Variants in NEGR1 observed in about 807,000 individuals in gnomAD.
The protein encoded by NEGR1 is IgLON family member 4.
Under a neutral mutation model 40.9 loss-of-function variants are expected in NEGR1, and 10 were observed. That is an observed-to-expected ratio of 0.24 (90% confidence interval 0.15 to 0.42). NEGR1 has a LOEUF of 0.42. NEGR1 is among the 10% of genes least tolerant of loss of function. The pLI, the probability that NEGR1 is intolerant of heterozygous loss-of-function variation, is 1.00. For missense variants in NEGR1, 352 were observed against 438.9 expected (o/e 0.80, Z 1.77); for synonymous variants, 185 against 166.8 (o/e 1.11, Z -0.84).
chr1:72,088,031 G>A (rs1044407436), intron 1 of NEGR1, among the ~76,000 whole-genome samples: 1 of 152,118 alleles, frequency 6.6e-6, no homozygotes, highest in Non-Finnish European at 1.5e-5. Flanking sequence ...CACCTGGTGA[G>A]GTATAAATCT....
At chr1:71,990,541 A>C (rs555665027) in intron 1 of NEGR1, among the ~76,000 whole-genome samples, 1 of 152,244 alleles carries the variant, frequency 6.6e-6, no homozygotes, top group Non-Finnish European at 1.5e-5. Flanking sequence ...ATAGCTATGA[A>C]ATGCATGCCA....
intron 1 of NEGR1, among the ~76,000 whole-genome samples, chr1:72,083,847 C>T (rs890332067): frequency 5.3e-5 from 8 of 152,058 alleles, no homozygotes; most frequent in Non-Finnish European, 4.4e-5. Flanking sequence ...CAACGTTCTG[C>T]CCCAGAGTGG....
Position 72,216,818 on chromosome 1 carries a change from T to G in NEGR1, c.176+65501A>C, listed in dbSNP as rs530414290. ...CTAGAACATAATAAAAGTTAGTTATTATTATGATGATGATTATAGAATCTA... is the reference window on the plus strand; with the variant it reads ...CTAGAACATAATAAAAGTTAGTTATGATTATGATGATGATTATAGAATCTA... On this transcript the variant is annotated intron_variant, in intron 1 of 6. Transcript: ENST00000357731. 8.6e-5 allele frequency among the ~76,000 whole-genome samples: 13 copies of G among 151,694 alleles called. No homozygotes were observed. The East Asian group carries it at 2.5e-3, about 29-fold the overall frequency.
chr1:71,858,155 T>G (rs1659839343), intron 2 of NEGR1, among the ~76,000 whole-genome samples: 1 of 152,088 alleles, frequency 6.6e-6, no homozygotes, highest in Non-Finnish European at 1.5e-5. Context: ...CATTTTTGAC[T>G]AGTTCATCCT....
At chr1:71,939,687 AG>A (rs934538127) in intron 1 of NEGR1, among the ~76,000 whole-genome samples, 2 of 152,282 alleles carry the variant, frequency 1.3e-5, no homozygotes, top group African/African-American at 4.8e-5. Flanking sequence ...AGTCAGGGGC[AG>A]GGGTGGGCAG....
chr1:71,844,935 T>C (rs763244027), intron 2 of NEGR1, among the ~76,000 whole-genome samples: 1 of 152,174 alleles, frequency 6.6e-6, no homozygotes, highest in Admixed American at 6.5e-5. Context: ...AGAAAGTGCC[T>C]TCTATAGGAG....
At chr1:72,193,852 C>T (rs1287507726) in intron 1 of NEGR1, among the ~76,000 whole-genome samples, 1 of 151,524 alleles carries the variant, frequency 6.6e-6, no homozygotes, top group Non-Finnish European at 1.5e-5. Context: ...GCCTCCCATA[C>T]ACCATTTTAA....
At chr1:71,973,097 A>T (rs1324478337) in intron 1 of NEGR1, among the ~76,000 whole-genome samples, 1 of 152,120 alleles carries the variant, frequency 6.6e-6, no homozygotes, top group East Asian at 1.9e-4. Flanking sequence ...TAATATTTTA[A>T]TTATACTAAT....
At chr1:72,267,116 C>A (rs932524308) in intron 1 of NEGR1, among the ~76,000 whole-genome samples, 1 of 150,938 alleles carries the variant, frequency 6.6e-6, no homozygotes, top group Non-Finnish European at 1.5e-5. Flanking sequence ...CCAACGTTTA[C>A]CTTTTTTAAT....
chr1:71,510,936 CAT>C (rs1444997451), intron 6 of NEGR1, among the ~76,000 whole-genome samples: 2 of 152,160 alleles, frequency 1.3e-5, no homozygotes, highest in African/African-American at 4.8e-5. Flanking sequence ...TGAGTGTACT[CAT>C]AGTTTTCTCA....
chr1:72,219,277 C>A (rs935638460), intron 1 of NEGR1, among the ~76,000 whole-genome samples: 3 of 151,784 alleles, frequency 2.0e-5, no homozygotes, highest in Non-Finnish European at 4.4e-5. Flanking sequence ...TTGTTGCCAT[C>A]AATAATAAAC....
chr1:71,492,116 G>A (rs368610971), intron 6 of NEGR1, among the ~76,000 whole-genome samples: 113 of 152,172 alleles, frequency 7.4e-4, no homozygotes, highest in African/African-American at 2.5e-3. Flanking sequence ...ATCTTGGAGA[G>A]CTATGAGAAA....
intron 1 of NEGR1, among the ~76,000 whole-genome samples, chr1:72,238,314 T>C (rs1320374292): frequency 6.6e-6 from 1 of 151,906 alleles, no homozygotes; most frequent in African/African-American, 2.4e-5. Context: ...TAAAATATGA[T>C]TGAATAATGG....
intron 1 of NEGR1, among the ~76,000 whole-genome samples, chr1:72,094,162 G>A (rs1196539766): frequency 6.6e-6 from 1 of 151,948 alleles, no homozygotes; most frequent in East Asian, 1.9e-4. Context: ...CAAGTGTAGG[G>A]GAAACCAACT....
At chr1:72,266,890 G>A (rs1477852795) in intron 1 of NEGR1, among the ~76,000 whole-genome samples, 1 of 150,446 alleles carries the variant, frequency 6.6e-6, no homozygotes, top group Non-Finnish European at 1.5e-5. Context: ...CACAAGACAG[G>A]GCAATAGCAA....
intron 4 of NEGR1, among the ~76,000 whole-genome samples, chr1:71,656,108 G>A (rs1651863821): frequency 2.0e-5 from 3 of 152,162 alleles, no homozygotes; most frequent in Admixed American, 2.0e-4. Flanking sequence ...CCAGAAATGA[G>A]TTCTTACTTG....
chr1:71,945,477 AGCAAAACTT>A (rs1223916269), intron 1 of NEGR1, among the ~76,000 whole-genome samples: 4 of 152,180 alleles, frequency 2.6e-5, no homozygotes, highest in Non-Finnish European at 5.9e-5. Context: ...GGCTTGATGT[AGCAAAACTT>A]TATTTTTCTA....
At chr1:71,474,802 A>G (rs1420222905) in intron 6 of NEGR1, among the ~76,000 whole-genome samples, 1 of 151,752 alleles carries the variant, frequency 6.6e-6, no homozygotes, top group Admixed American at 6.6e-5. Flanking sequence ...GGAAGAGGTT[A>G]CTGAATATAC....
intron 1 of NEGR1, among the ~76,000 whole-genome samples, chr1:72,003,607 TA>T (rs1450243532): frequency 2.2e-4 from 31 of 139,660 alleles, no homozygotes; most frequent in Non-Finnish European, 9.1e-5. Context: ...AAGATAGGAT[TA>T]AATTTTGTTT....
Sources: allele counts gnomAD v4.1 joint callset (sites outside exome capture counted in the v4.1 genomes callset), GRCh38; gene constraint gnomAD v4.1.1; transcripts MANE v1.5; gene names NCBI Gene and HGNC (gene_info 2026-07-23, HGNC 2026-07-21).